Variants in COL24A1 observed in about 807,000 individuals in gnomAD.
COL24A1 encodes the protein collagen type XXIV alpha 1 chain.
COL24A1 carries 224 observed loss-of-function variants against 253.9 expected under a neutral mutation model. The ratio of observed to expected loss-of-function variants is 0.88; its 90% CI spans 0.79 to 0.99. The LOEUF (loss-of-function observed/expected upper bound fraction) is 0.99, where lower values mean the gene tolerates loss of function less well. Ranked by LOEUF, COL24A1 falls within the 50% of genes least tolerant of loss-of-function variation. The probability of loss-of-function intolerance (pLI) is 0.00; values close to 1 mark genes in which losing one functional copy is unlikely to be tolerated. For synonymous variants in COL24A1, 685 were observed against 673.7 expected (o/e 1.02, Z -0.26); for missense variants, 2,131 against 2,068.5 (o/e 1.03, Z -0.59).
rs552573584 is a variant in COL24A1, at chr1:86,081,482, C to T, written c.1707+7692G>A. ...TGTCCAGCTATTTGTTTTAAAATTCCTATGTTATCACTACTCCTTTATTTG... is the reference window on the plus strand; with the variant it reads ...TGTCCAGCTATTTGTTTTAAAATTCTTATGTTATCACTACTCCTTTATTTG... On this transcript the variant is annotated intron_variant, in intron 7 of 59. Transcript: ENST00000370571. Among the ~76,000 whole-genome samples, 8 of 152,220 alleles carry T rather than the reference C, an allele frequency of 5.3e-5. No individual in the cohort carries two copies. In the South Asian group the frequency reaches 1.2e-3, roughly 24 times the overall value.
At position 85,920,069 on chromosome 1, in the gene COL24A1, C is replaced by G. The variant is rs570560890; in HGVS notation, c.2563-8636G>C. Among the ~76,000 whole-genome samples the G allele has an allele frequency of 1.2e-4, 18 of 152,108 alleles. 1 individual carries two copies. The highest frequency in any genetic ancestry group is 4.3e-4 in the African/African-American group (18 of 41,514). On this transcript the variant is annotated intron_variant, in intron 24 of 59. Transcript: ENST00000370571. ...ATATTTATTTGTTCATGTAACAGAT[C>G]CTGTGCTAAGATTTAGCTGGAGAGG...
intron 22 of COL24A1, among the ~76,000 whole-genome samples, chr1:85,966,300 T>C (rs1189656328): frequency 6.6e-6 from 1 of 152,132 alleles, no homozygotes; most frequent in Non-Finnish European, 1.5e-5. Flanking sequence ...AGCTAAGTTT[T>C]GGACATGTTA....
chr1:85,967,195 T>C (rs1176725494), intron 22 of COL24A1, among the ~76,000 whole-genome samples: 1 of 152,194 alleles, frequency 6.6e-6, no homozygotes, highest in East Asian at 1.9e-4. Flanking sequence ...GTAAGTTCTC[T>C]TCTGGTTACT....
At chr1:85,970,292 GA>G in intron 21 of COL24A1, 21 bp from the exon 22 acceptor site, 1 of 1,548,692 alleles carries the variant, frequency 6.5e-7, no homozygotes, top group Non-Finnish European at 8.7e-7. Context: ...AAAAAAGTCA[GA>G]ACATATTATG....
chr1:85,947,277 T>A (rs1053337253), intron 24 of COL24A1, among the ~76,000 whole-genome samples: 1 of 152,192 alleles, frequency 6.6e-6, no homozygotes, highest in Non-Finnish European at 1.5e-5. Context: ...CAAGACTTAT[T>A]CACTAAATTT....
intron 7 of COL24A1, among the ~76,000 whole-genome samples, chr1:86,074,926 T>G (rs1339881672): frequency 6.6e-6 from 1 of 151,796 alleles, no homozygotes; most frequent in Non-Finnish European, 1.5e-5. Context: ...TTTATAGCAC[T>G]AAATGCTATA....
chr1:85,996,013 C>A (rs946692435), intron 19 of COL24A1, among the ~76,000 whole-genome samples: 3 of 151,960 alleles, frequency 2.0e-5, no homozygotes, highest in African/African-American at 4.8e-5. Context: ...TATAGCAGTG[C>A]GAGAATGGAT....
chr1:85,855,852 T>C (rs759305829), intron 37 of COL24A1, among the ~76,000 whole-genome samples: 2 of 152,186 alleles, frequency 1.3e-5, no homozygotes, highest in African/African-American at 4.8e-5. Context: ...GGTTTCTAAG[T>C]CACTGATTCA....
chr1:85,756,990 G>A (rs1666333592), intron 55 of COL24A1, among the ~76,000 whole-genome samples: 1 of 152,188 alleles, frequency 6.6e-6, no homozygotes, highest in Non-Finnish European at 1.5e-5. Flanking sequence ...ACTTATATGA[G>A]GTACCTAGAG....
At chr1:86,093,156 C>G (rs991927403) in intron 5 of COL24A1, among the ~76,000 whole-genome samples, 1 of 151,972 alleles carries the variant, frequency 6.6e-6, no homozygotes, top group Non-Finnish European at 1.5e-5. Flanking sequence ...TTCAGAGATG[C>G]TTTTAAATGA....
intron 58 of COL24A1, chr1:85,736,601 A>T: frequency 2.4e-6 from 1 of 422,992 alleles, no homozygotes; most frequent in South Asian, 1.7e-5. Context: ...TAATGAAGAG[A>T]GGTGTTTTAG....
intron 10 of COL24A1, among the ~76,000 whole-genome samples, chr1:86,056,687 C>G (rs918885528): frequency 2.6e-5 from 4 of 151,924 alleles, no homozygotes; most frequent in Non-Finnish European, 4.4e-5. Flanking sequence ...AACCCTGTCT[C>G]TACTAAAAAT....
chr1:85,788,828 C>T (rs1472152103), intron 47 of COL24A1, among the ~76,000 whole-genome samples: 2 of 152,170 alleles, frequency 1.3e-5, no homozygotes. Flanking sequence ...ATCCTTTCCA[C>T]ATTGCTTGTT....
At chr1:85,893,728 C>T (rs1016089905) in intron 31 of COL24A1, among the ~76,000 whole-genome samples, 3 of 152,108 alleles carry the variant, frequency 2.0e-5, no homozygotes, top group Non-Finnish European at 4.4e-5. Flanking sequence ...TAATTCCTGG[C>T]TTAAAATTAT....
At chr1:86,133,518 C>T (rs1166327613) in intron 2 of COL24A1, among the ~76,000 whole-genome samples, 2 of 152,106 alleles carry the variant, frequency 1.3e-5, no homozygotes, top group Non-Finnish European at 2.9e-5. Context: ...TTTTGAGAAA[C>T]GTCCCATCAA....
intron 47 of COL24A1, among the ~76,000 whole-genome samples, chr1:85,801,602 A>C (rs1321353498): frequency 6.6e-6 from 1 of 152,200 alleles, no homozygotes; most frequent in East Asian, 1.9e-4. Context: ...TACTGTTGAC[A>C]GTCTCTGGGT....
At chr1:86,110,755 C>T (rs1032860110) in intron 5 of COL24A1, among the ~76,000 whole-genome samples, 21 of 152,158 alleles carry the variant, frequency 1.4e-4, no homozygotes, top group African/African-American at 3.1e-4. Flanking sequence ...CTCGAATTCT[C>T]GCTGGGCCTC....
chr1:85,796,870 A>G (rs957813700), intron 47 of COL24A1, among the ~76,000 whole-genome samples: 1 of 152,062 alleles, frequency 6.6e-6, no homozygotes. Context: ...TAGATTTTAA[A>G]CCCAGGTCTC....
At chr1:85,774,243 T>G (rs1433601865) in intron 53 of COL24A1, among the ~76,000 whole-genome samples, 1 of 152,160 alleles carries the variant, frequency 6.6e-6, no homozygotes, top group Non-Finnish European at 1.5e-5. Flanking sequence ...GTGGGTAAGC[T>G]TTTTGATGTA....
Sources: allele counts gnomAD v4.1 joint callset (sites outside exome capture counted in the v4.1 genomes callset), GRCh38; gene constraint gnomAD v4.1.1; transcripts MANE v1.5; gene names NCBI Gene and HGNC (gene_info 2026-07-23, HGNC 2026-07-21).